The following NRXN3 variants were observed in gnomAD, a reference collection of about 807,000 sequenced individuals.
NRXN3 encodes the protein neurexin 3.
NRXN3 carries 32 observed loss-of-function variants against 137.6 expected under a neutral mutation model. The observed-to-expected ratio is 0.23, with a 90% confidence interval of 0.18 to 0.31. The LOEUF is 0.31. Ranked by LOEUF, NRXN3 falls within the 10% of genes least tolerant of loss-of-function variation. NRXN3 has a pLI of 1.00. For missense variants in NRXN3, 1,574 were observed against 2,062.5 expected, an observed-to-expected ratio of 0.76 and a Z score of 4.59; for synonymous variants, 798 against 784.5, an observed-to-expected ratio of 1.02 and a Z score of -0.29.
chr14:78,470,583 A>G (rs1310948993), intron 4 of NRXN3, among the ~76,000 whole-genome samples: 5 of 152,088 alleles, frequency 3.3e-5, no homozygotes, highest in Non-Finnish European at 1.5e-5. Flanking sequence ...TGGTTAATAC[A>G]TATGGATTGT....
chr14:79,113,788 CTTT>C lies in NRXN3; in HGVS notation c.3262+125652_3262+125654del, dbSNP rs370263822. On this transcript the variant is annotated intron_variant, in intron 15 of 20. Coordinates refer to ENST00000335750, the MANE Select transcript of NRXN3 (RefSeq NM_001330195.2). The stretch of plus-strand genomic sequence containing the variant: ...ATACTCTTAATCAATGGTTCTGAAA[CTTT>C]TTTTGTGCATCAGGATCACTGGTGA... Among the ~76,000 whole-genome samples the C allele has an allele frequency of 3.5e-3, 526 of 152,240 alleles. 6 individuals carry two copies. Among genetic ancestry groups the C allele is most frequent in the African/African-American group, 0.012 (514 of 41,538 alleles).
intron 15 of NRXN3, among the ~76,000 whole-genome samples, chr14:79,413,169 G>A (rs2196442): frequency 0.32 from 49,166 of 151,940 alleles, 8,230 homozygotes; most frequent in Admixed American, 0.39. Context: ...CTTCCCACTC[G>A]TCTTTGTTTG....
chr14:79,371,859 A>C lies in NRXN3; in HGVS notation c.3263-95362A>C, dbSNP rs142793489. Among the ~76,000 whole-genome samples the C allele has an allele frequency of 7.5e-3, 1,149 of 152,314 alleles. 16 individuals are homozygous for C. Among genetic ancestry groups the C allele is most frequent in the Middle Eastern group, 0.034 (10 of 294 alleles). On this transcript the variant is annotated intron_variant, in intron 15 of 20. Coordinates refer to ENST00000335750, the MANE Select transcript of NRXN3 (RefSeq NM_001330195.2). ...TAGGTATATGTTAATTCCTCTAGAG[A>C]TAGACAAGACTCTAAATTCATGGAA... is the stretch of plus-strand genomic sequence containing the variant.
intron 1 of NRXN3, among the ~76,000 whole-genome samples, chr14:78,201,582 G>A (rs1267280537): frequency 2.0e-5 from 3 of 152,218 alleles, no homozygotes; most frequent in Admixed American, 6.5e-5. Context: ...AGCCTGCATC[G>A]AGGACTGGTT....
intron 15 of NRXN3, among the ~76,000 whole-genome samples, chr14:79,445,126 G>A (rs924987345): frequency 6.6e-6 from 1 of 152,058 alleles, no homozygotes; most frequent in African/African-American, 2.4e-5. Context: ...CAGATCACGA[G>A]GTCAAGAGAT....
At chr14:79,686,668 T>C (rs1314986793) in intron 17 of NRXN3, among the ~76,000 whole-genome samples, 2 of 152,206 alleles carry the variant, frequency 1.3e-5, no homozygotes, top group Non-Finnish European at 2.9e-5. Context: ...TTCACAGAAC[T>C]GATAAATGTC....
At chr14:78,232,357 A>G (rs778438448) in intron 1 of NRXN3, among the ~76,000 whole-genome samples, 6 of 152,248 alleles carry the variant, frequency 3.9e-5, no homozygotes, top group Non-Finnish European at 7.3e-5. Flanking sequence ...GAGAACAGAG[A>G]GAGCCCTCCC....
At chr14:79,514,851 T>TCTTTTTCTTCTTA (rs1567349863) in intron 16 of NRXN3, among the ~76,000 whole-genome samples, 2 of 150,970 alleles carry the variant, frequency 1.3e-5, no homozygotes, top group African/African-American at 5.0e-5. Flanking sequence ...CTGCTTCTCT[T>TCTTTTTCTTCTTA]TAAAAAGTGT....
At chr14:79,113,049 A>G (rs1393464291) in intron 15 of NRXN3, among the ~76,000 whole-genome samples, 1 of 152,198 alleles carries the variant, frequency 6.6e-6, no homozygotes, top group Non-Finnish European at 1.5e-5. Context: ...ACATTTTCAA[A>G]TAACAACTTG....
At chr14:79,413,436 C>T (rs967651247) in intron 15 of NRXN3, among the ~76,000 whole-genome samples, 3 of 152,074 alleles carry the variant, frequency 2.0e-5, no homozygotes, top group Admixed American at 2.0e-4. Context: ...TGCCATTACG[C>T]AGTTTTGGAT....
chr14:78,648,684 T>TA (rs751156190), intron 5 of NRXN3, among the ~76,000 whole-genome samples: 15 of 152,268 alleles, frequency 9.9e-5, no homozygotes, highest in Non-Finnish European at 2.1e-4. Flanking sequence ...GTTTGATCTG[T>TA]AAATGCTTTA....
At chr14:78,747,417 TCTG>T (rs200835944) in intron 8 of NRXN3, among the ~76,000 whole-genome samples, 2,771 of 152,356 alleles carry the variant, frequency 0.018, 42 homozygotes, top group Admixed American at 0.028. Flanking sequence ...GCTTTAGTGA[TCTG>T]CTAAGGCTAG....
At chr14:78,873,816 G>A (rs1343743998) in intron 10 of NRXN3, among the ~76,000 whole-genome samples, 5 of 152,186 alleles carry the variant, frequency 3.3e-5, no homozygotes, top group South Asian at 2.1e-4. Flanking sequence ...CACAATCTAC[G>A]TTTTAATGAG....
At chr14:78,834,133 A>G (rs1374244450) in intron 10 of NRXN3, among the ~76,000 whole-genome samples, 1 of 152,156 alleles carries the variant, frequency 6.6e-6, no homozygotes, top group Non-Finnish European at 1.5e-5. Flanking sequence ...GAAAAGATGC[A>G]AGGATCAGGC....
rs534810178 is a variant in NRXN3 at position 79,358,416 on chromosome 14, G to A, written c.3263-108805G>A. 1.5e-4 allele frequency among the ~76,000 whole-genome samples: 22 copies of A among 151,486 alleles called. No homozygotes were observed. The East Asian group carries it at 4.3e-3, about 30-fold the overall frequency. ...AAACCCCGTCTCTACTAAAAATACAGAAACAAAATCAGCCAGGCATGGTGG... is the reference window on the plus strand; with the variant it reads ...AAACCCCGTCTCTACTAAAAATACAAAAACAAAATCAGCCAGGCATGGTGG... On this transcript the variant is annotated intron_variant, in intron 15 of 20. Transcript: ENST00000335750.
At position 79,700,706 on chromosome 14, in the gene NRXN3, G is replaced by GT. The variant is rs369009869; in HGVS notation, c.4014+2774dup. Among the ~76,000 whole-genome samples the GT allele has an allele frequency of 4.8e-3, 723 of 152,182 alleles. 10 individuals are homozygous for GT. The highest frequency in any genetic ancestry group is 0.016 in the African/African-American group (679 of 41,542). On this transcript the variant is annotated intron_variant, in intron 19 of 20. Coordinates refer to ENST00000335750, the MANE Select transcript of NRXN3 (RefSeq NM_001330195.2). ...AACCGTGTGTGAATGTGAACAAGTA[G>GT]TTTTTGAGTTGGTATGTCTGTCTAG...
intron 6 of NRXN3, among the ~76,000 whole-genome samples, chr14:78,652,143 T>G (rs910170456): frequency 6.6e-6 from 1 of 152,232 alleles, no homozygotes; most frequent in East Asian, 1.9e-4. Context: ...TATGTATTAT[T>G]TTACCTTCAC....
intron 15 of NRXN3, among the ~76,000 whole-genome samples, chr14:79,162,111 T>C (rs1475239683): frequency 2.7e-5 from 1 of 36,616 alleles, no homozygotes. Flanking sequence ...TGTTTTTGTT[T>C]TTTTTTTTTG....
chr14:79,801,295 A>G (rs977152329), intron 19 of NRXN3, among the ~76,000 whole-genome samples: 10 of 151,958 alleles, frequency 6.6e-5, no homozygotes, highest in African/African-American at 2.4e-4. Context: ...TTTCTTTATC[A>G]CTCCTCATGG....
Sources: gnomAD v4.1 joint callset for allele counts (sites outside exome capture counted in the v4.1 genomes callset) on GRCh38, gnomAD v4.1.1 for gene constraint, MANE v1.5 for transcripts, NCBI Gene and HGNC (gene_info 2026-07-23, HGNC 2026-07-21) for gene names.